AXDND1: variants seen among roughly 807,000 people sequenced by gnomAD.
AXDND1 encodes axonemal dynein light chain domain-containing protein 1.
Under a neutral mutation model 137.5 loss-of-function variants are expected in AXDND1, and 110 were observed. The observed-to-expected ratio is 0.80, with a 90% CI of 0.69 to 0.94. The LOEUF (loss-of-function observed/expected upper bound fraction) is 0.94. Among genes scored for constraint, AXDND1 ranks in the 40% least tolerant of loss-of-function variants. The probability of loss-of-function intolerance (pLI) is 0.00; values close to 1 mark genes in which losing one functional copy is unlikely to be tolerated. For missense variants in AXDND1, 1,191 were observed against 1,169.8 expected, an observed-to-expected ratio of 1.02 and a Z score of -0.26; for synonymous variants, 414 against 399.7, an observed-to-expected ratio of 1.04 and a Z score of -0.43.
intron 4 of AXDND1, among the ~76,000 whole-genome samples, chr1:179,378,094 G>A (rs374993463): frequency 2.0e-4 from 30 of 152,202 alleles, no homozygotes; most frequent in African/African-American, 7.0e-4. Context: ...GCTTGAATCC[G>A]GGAGGTGGAG....
chr1:179,480,202 G>A (rs1665190922), intron 17 of AXDND1, among the ~76,000 whole-genome samples: 3 of 152,158 alleles, frequency 2.0e-5, no homozygotes, highest in African/African-American at 7.2e-5. Context: ...TGCTGATAAA[G>A]ACATACCTGA....
chr1:179,397,378 T>C (rs528782988), intron 11 of AXDND1, among the ~76,000 whole-genome samples: 1 of 152,348 alleles, frequency 6.6e-6, no homozygotes, highest in South Asian at 2.1e-4. Flanking sequence ...GGCTTCCTTT[T>C]GTAGGTGACC....
intron 16 of AXDND1, among the ~76,000 whole-genome samples, chr1:179,467,275 G>T (rs1014698113): frequency 6.6e-6 from 1 of 152,016 alleles, no homozygotes; most frequent in Non-Finnish European, 1.5e-5. Flanking sequence ...AGCTACATGG[G>T]AAAACACAAT....
chr1:179,431,372 C>T (rs915337073), intron 14 of AXDND1, among the ~76,000 whole-genome samples: 1 of 151,888 alleles, frequency 6.6e-6, no homozygotes, highest in Admixed American at 6.6e-5. Context: ...GAACTCCTGG[C>T]CTTAGGAGAT....
At chr1:179,449,010 T>A in intron 16 of AXDND1, 1 of 332,800 alleles carries the variant, frequency 3.0e-6, no homozygotes, top group South Asian at 2.2e-5. Flanking sequence ...CCTCAACCTC[T>A]GAGTAGCTAG....
intron 16 of AXDND1, among the ~76,000 whole-genome samples, chr1:179,464,806 T>A (rs1339993723): frequency 6.6e-6 from 1 of 152,176 alleles, no homozygotes. Flanking sequence ...GGAGGCTTTG[T>A]TTGTTTCTTT....
intron 13 of AXDND1, 67 bp downstream of exon 13, chr1:179,429,686 A>G: frequency 5.9e-6 from 5 of 841,120 alleles, no homozygotes; most frequent in Non-Finnish European, 7.1e-6. Flanking sequence ...AGACTGTAAG[A>G]TGCCTTTGTT....
chr1:179,404,453 C>G (rs574182250), intron 11 of AXDND1, among the ~76,000 whole-genome samples: 97 of 151,004 alleles, frequency 6.4e-4, no homozygotes, highest in Middle Eastern at 3.4e-3. Context: ...AACTCCTGAC[C>G]TCAGGTGATC....
intron 4 of AXDND1, among the ~76,000 whole-genome samples, chr1:179,373,033 G>T (rs187811821): frequency 1.3e-5 from 2 of 152,012 alleles, no homozygotes; most frequent in Admixed American, 6.6e-5. Context: ...AATAAAACAG[G>T]CTTCTTCTAA....
intron 16 of AXDND1, among the ~76,000 whole-genome samples, chr1:179,460,751 T>C (rs552538629): frequency 6.6e-6 from 1 of 152,336 alleles, no homozygotes; most frequent in South Asian, 2.1e-4. Flanking sequence ...TTCTAACTGG[T>C]GTGAGATGGT....
intron 20 of AXDND1, among the ~76,000 whole-genome samples, chr1:179,495,610 T>G (rs1667360200): frequency 6.6e-6 from 1 of 151,982 alleles, no homozygotes; most frequent in South Asian, 2.1e-4. Context: ...TTCTTTGGGA[T>G]TTTTAATACA....
intron 16 of AXDND1, chr1:179,455,880 T>C (rs1322390180): frequency 5.1e-6 from 1 of 195,146 alleles, no homozygotes; most frequent in East Asian, 1.4e-4. Context: ...TTGTTTTGTT[T>C]TGTTTTGTTT....
chr1:179,554,685 AG>A lies in AXDND1; in HGVS notation c.*167del. ...TATTTAACTTCACAGTGCCTTGCAAAGAGTTGTTTAACTTGCATGGTGCCAC... is the reference window on the plus strand; with the variant it reads ...TATTTAACTTCACAGTGCCTTGCAAAAGTTGTTTAACTTGCATGGTGCCAC... On this transcript the variant is annotated 3_prime_UTR_variant, in exon 26 of 26. Transcript: ENST00000367618. 1 of 1,026,140 alleles carries A rather than the reference AG, an allele frequency of 9.7e-7. No homozygotes were observed. Among genetic ancestry groups the A allele is most frequent in the South Asian group, 1.4e-5 (1 of 71,922 alleles). The allele number at this position is 1,026,140 out of a possible 1,614,324, so 63.6% of individuals were successfully genotyped here.
intron 9 of AXDND1, among the ~76,000 whole-genome samples, chr1:179,390,750 C>T (rs1650032695): frequency 6.6e-6 from 1 of 150,394 alleles, no homozygotes; most frequent in Middle Eastern, 3.2e-3. Flanking sequence ...GCCTAGATTC[C>T]TTTTTTTTTC....
chr1:179,523,367 T>C (rs963754108), intron 21 of AXDND1, among the ~76,000 whole-genome samples: 1 of 152,144 alleles, frequency 6.6e-6, no homozygotes, highest in Non-Finnish European at 1.5e-5. Context: ...GTGGCCAAAT[T>C]ATTTTTCTAA....
intron 12 of AXDND1, among the ~76,000 whole-genome samples, chr1:179,418,564 G>A (rs867728002): frequency 3.0e-4 from 45 of 151,994 alleles, no homozygotes; most frequent in African/African-American, 8.9e-4. Flanking sequence ...CAGTAGGGGC[G>A]GCCGGGCAGA....
chr1:179,515,719 T>C (rs149189178), intron 21 of AXDND1, among the ~76,000 whole-genome samples: 29 of 152,272 alleles, frequency 1.9e-4, no homozygotes, highest in African/African-American at 7.0e-4. Context: ...TTATTCTTTT[T>C]TTTAATCCAC....
At chr1:179,371,859 C>A (rs1668071876) in intron 4 of AXDND1, among the ~76,000 whole-genome samples, 1 of 152,090 alleles carries the variant, frequency 6.6e-6, no homozygotes, top group African/African-American at 2.4e-5. Context: ...GCTCAGTCGC[C>A]AACTGTCAAG....
chr1:179,404,636 A>G (rs4625244), intron 11 of AXDND1, among the ~76,000 whole-genome samples: 5 of 152,036 alleles, frequency 3.3e-5, no homozygotes, highest in Non-Finnish European at 7.4e-5. Flanking sequence ...TCTTTTTGAT[A>G]TGTTGTTGGA....
Sources: gnomAD v4.1 joint callset for allele counts (sites outside exome capture counted in the v4.1 genomes callset) on GRCh38, gnomAD v4.1.1 for gene constraint, MANE v1.5 for transcripts, NCBI Gene and HGNC (gene_info 2026-07-23, HGNC 2026-07-21) for gene names.